WASF2: variants seen among roughly 807,000 people sequenced by gnomAD.
The protein encoded by WASF2 is WASP family member 2, also known as actin-binding protein WASF2.
WASF2 carries 14 observed loss-of-function variants against 45.0 expected under a neutral mutation model. The ratio of observed to expected loss-of-function variants is 0.31; its 90% CI spans 0.21 to 0.49. WASF2 has a LOEUF of 0.49. Among genes scored for constraint, WASF2 ranks in the 20% least tolerant of loss-of-function variants. WASF2 has a pLI of 0.99. For synonymous variants in WASF2, 200 were observed against 236.3 expected (o/e 0.85, Z 1.41); for missense variants, 439 against 636.1 (o/e 0.69, Z 3.33).
intron 1 of WASF2, among the ~76,000 whole-genome samples, chr1:27,429,198 T>C (rs139909973): frequency 6.6e-5 from 10 of 152,006 alleles, no homozygotes; most frequent in East Asian, 3.9e-4. Flanking sequence ...ATAGGCAGCA[T>C]AGAAACATTA....
intron 1 of WASF2, among the ~76,000 whole-genome samples, chr1:27,470,212 G>A (rs2017670752): frequency 6.6e-6 from 1 of 152,224 alleles, no homozygotes; most frequent in Non-Finnish European, 1.5e-5. Context: ...ACAAGTAGGG[G>A]CTAGACCACA....
chr1:27,467,487 G>C (rs2017630395), intron 1 of WASF2, among the ~76,000 whole-genome samples: 1 of 149,696 alleles, frequency 6.7e-6, no homozygotes, highest in African/African-American at 2.4e-5. Context: ...TTTTTTAGTA[G>C]AGACGGCATT....
At chr1:27,465,424 CTA>C (rs926993529) in intron 1 of WASF2, among the ~76,000 whole-genome samples, 1 of 152,192 alleles carries the variant, frequency 6.6e-6, no homozygotes, top group African/African-American at 2.4e-5. Context: ...CCTGGTAACA[CTA>C]TTAGCCTAGT....
At chr1:27,439,870 C>T (rs190633012) in intron 1 of WASF2, among the ~76,000 whole-genome samples, 1 of 148,320 alleles carries the variant, frequency 6.7e-6, no homozygotes, top group East Asian at 1.9e-4. Flanking sequence ...TGTAGTGGTA[C>T]ACACCTGTAG....
At chr1:27,424,696 A>G (rs1253864456) in intron 2 of WASF2, among the ~76,000 whole-genome samples, 1 of 152,066 alleles carries the variant, frequency 6.6e-6, no homozygotes, top group African/African-American at 2.4e-5. Flanking sequence ...AATTTCGTTT[A>G]TATTTTGTAG....
At chr1:27,448,668 T>C (rs2017341593) in intron 1 of WASF2, among the ~76,000 whole-genome samples, 2 of 152,024 alleles carry the variant, frequency 1.3e-5, no homozygotes, top group East Asian at 1.9e-4. Context: ...TTGGCCAACA[T>C]GGTGAAATCC....
chr1:27,433,495 G>C (rs542308053), intron 1 of WASF2, among the ~76,000 whole-genome samples: 2 of 152,298 alleles, frequency 1.3e-5, no homozygotes, highest in Admixed American at 1.3e-4. Flanking sequence ...CTGGATGTTG[G>C]GGAACCACTG....
At chr1:27,482,984 A>G (rs1184076058) in intron 1 of WASF2, among the ~76,000 whole-genome samples, 2 of 152,192 alleles carry the variant, frequency 1.3e-5, no homozygotes, top group Non-Finnish European at 2.9e-5. Flanking sequence ...CTGCTTAAGT[A>G]TTCCTGGTCG....
At chr1:27,431,703 A>G (rs1181061852) in intron 1 of WASF2, among the ~76,000 whole-genome samples, 1 of 152,152 alleles carries the variant, frequency 6.6e-6, no homozygotes, top group Non-Finnish European at 1.5e-5. Context: ...GGCTACATAA[A>G]TTTCAGATTG....
In WASF2 at chr1:27,475,742, T is replaced by G. The variant is rs557149444; in HGVS notation, c.-44+14244A>C. 2.6e-5 allele frequency among the ~76,000 whole-genome samples: 4 copies of G among 152,186 alleles called. No individual in the cohort carries two copies. In the South Asian group the frequency reaches 8.3e-4, roughly 32 times the overall value. Reference sequence around the variant, plus strand: ...TCCTGGGTTCAAGTGATCCTCCCACTTCAGCCTCCTGAGCAGCTGGTACTA... The same window carrying G: ...TCCTGGGTTCAAGTGATCCTCCCACGTCAGCCTCCTGAGCAGCTGGTACTA... On this transcript the variant is annotated intron_variant, in intron 1 of 8. Transcript: ENST00000618852.
intron 1 of WASF2, among the ~76,000 whole-genome samples, chr1:27,487,681 TA>T (rs932005185): frequency 9.1e-6 from 1 of 110,432 alleles, no homozygotes; most frequent in Non-Finnish European, 1.7e-5. Flanking sequence ...ATATTTTATA[TA>T]ATATATAATA....
chr1:27,409,551 C>T, intron 8 of WASF2, 141 bp downstream of exon 8: 1 of 1,247,358 alleles, frequency 8.0e-7, no homozygotes, highest in Non-Finnish European at 1.0e-6. Context: ...TGCTCCCAGG[C>T]CTAATGTCCC....
chr1:27,424,147 A>G (rs890720525), intron 2 of WASF2, among the ~76,000 whole-genome samples: 1 of 152,334 alleles, frequency 6.6e-6, no homozygotes, highest in Non-Finnish European at 1.5e-5. Context: ...CCATTCCATA[A>G]TCAGACTTTC....
chr1:27,478,275 C>CAAAAA (rs765416697), intron 1 of WASF2, among the ~76,000 whole-genome samples: 1 of 49,940 alleles, frequency 2.0e-5, no homozygotes, highest in African/African-American at 7.3e-5. Context: ...AATAGCAAAG[C>CAAAAA]AAAAAAAAAA....
intron 2 of WASF2, among the ~76,000 whole-genome samples, chr1:27,426,337 A>G (rs1273535779): frequency 6.6e-6 from 1 of 152,134 alleles, no homozygotes; most frequent in African/African-American, 2.4e-5. Flanking sequence ...GGATCAGAGA[A>G]AGAAGGTAGA....
At chr1:27,461,380 C>A (rs1477729230) in intron 1 of WASF2, among the ~76,000 whole-genome samples, 2 of 151,766 alleles carry the variant, frequency 1.3e-5, no homozygotes, top group Non-Finnish European at 2.9e-5. Flanking sequence ...CACTCTGTCG[C>A]CCAGGCTGGA....
At chr1:27,424,434 A>T (rs1319771810) in intron 2 of WASF2, among the ~76,000 whole-genome samples, 2 of 152,208 alleles carry the variant, frequency 1.3e-5, no homozygotes, top group Non-Finnish European at 2.9e-5. Flanking sequence ...GGCGTGAATT[A>T]TTCGACATTT....
intron 1 of WASF2, among the ~76,000 whole-genome samples, chr1:27,436,136 A>G (rs1422025273): frequency 6.6e-6 from 1 of 152,194 alleles, no homozygotes; most frequent in Non-Finnish European, 1.5e-5. Flanking sequence ...CTCTTTCAAG[A>G]GATACATTTC....
chr1:27,473,002 CA>C (rs1286387442), intron 1 of WASF2, among the ~76,000 whole-genome samples: 3 of 133,136 alleles, frequency 2.3e-5, no homozygotes, highest in Admixed American at 7.3e-5. Context: ...AAACAAACAA[CA>C]AAAAAAATTG....
Sources: allele counts gnomAD v4.1 joint callset (sites outside exome capture counted in the v4.1 genomes callset), GRCh38; gene constraint gnomAD v4.1.1; transcripts MANE v1.5; gene names NCBI Gene and HGNC (gene_info 2026-07-23, HGNC 2026-07-21).